DYRK1A: variants seen among roughly 807,000 people sequenced by gnomAD.
DYRK1A encodes the protein dual specificity tyrosine-phosphorylation-regulated kinase 1A.
A neutral mutation model predicts 79.7 loss-of-function variants in DYRK1A; 9 were observed. The ratio of observed to expected loss-of-function variants is 0.11; its 90% CI spans 0.07 to 0.20. The LOEUF is 0.20. Ranked by LOEUF, DYRK1A falls within the 10% of genes least tolerant of loss-of-function variation. The pLI, the probability that DYRK1A is intolerant of heterozygous loss-of-function variation, is 1.00. For synonymous variants in DYRK1A, 349 were observed against 329.7 expected (o/e 1.06, Z -0.63); for missense variants, 622 against 956.0 (o/e 0.65, Z 4.61).
In DYRK1A at chr21:37,454,085, C is replaced by CTTTTTTTTTTTTTTTTTTTTTTT. The variant is rs571859735; in HGVS notation, c.11-18596_11-18574dup. Among the ~76,000 whole-genome samples the CTTTTTTTTTTTTTTTTTTTTTTT allele has an allele frequency of 5.0e-5, 3 of 59,614 alleles. 1 individual carries two copies. Among genetic ancestry groups the CTTTTTTTTTTTTTTTTTTTTTTT allele is most frequent in the Admixed American group, 2.6e-4 (1 of 3,848 alleles). The allele number at this position is 59,614 out of a possible 152,430, so 39.1% of individuals were successfully genotyped here. ...CTTTCATATTATGAGATGTAGTCTC[C>CTTTTTTTTTTTTTTTTTTTTTTT]TTTTTTTTTTTTTTTTTTTTTTTTT... On this transcript the variant is annotated intron_variant, in intron 2 of 11. Transcript: ENST00000647188.
At chr21:37,426,382 C>T (rs1280061798) in intron 2 of DYRK1A, among the ~76,000 whole-genome samples, 1 of 151,918 alleles carries the variant, frequency 6.6e-6, no homozygotes, top group Non-Finnish European at 1.5e-5. Flanking sequence ...TTACTGCAGA[C>T]AATGAAAGCA....
chr21:37,390,651 C>T (rs971731946), intron 1 of DYRK1A, among the ~76,000 whole-genome samples: 6 of 152,312 alleles, frequency 3.9e-5, no homozygotes, highest in Admixed American at 2.6e-4. Context: ...TCATTGCAAC[C>T]TCCGCTTCCC....
At chr21:37,369,371 C>A (rs1276194812) in intron 1 of DYRK1A, among the ~76,000 whole-genome samples, 1 of 152,168 alleles carries the variant, frequency 6.6e-6, no homozygotes, top group African/African-American at 2.4e-5. Context: ...TGCAGAAGAT[C>A]ATTTCAAAGA....
At chr21:37,431,321 T>A (rs1273160775) in intron 2 of DYRK1A, among the ~76,000 whole-genome samples, 1 of 152,236 alleles carries the variant, frequency 6.6e-6, no homozygotes, top group Non-Finnish European at 1.5e-5. Flanking sequence ...TCCTTGGTTC[T>A]CTTTTTACCA....
intron 9 of DYRK1A, among the ~76,000 whole-genome samples, chr21:37,498,475 C>T (rs558008959): frequency 2.6e-5 from 4 of 152,282 alleles, no homozygotes; most frequent in African/African-American, 9.6e-5. Context: ...GGGTTTTCTT[C>T]ACTCAGCAAA....
At chr21:37,375,115 A>C (rs1026419377) in intron 1 of DYRK1A, 7 of 151,784 alleles carry the variant, frequency 4.6e-5, no homozygotes, top group African/African-American at 1.5e-4. Context: ...TTATCATCTT[A>C]AAGTAAGTAT....
In DYRK1A at chr21:37,518,558, C is replaced by G. The variant is rs908875988; in HGVS notation, c.*6027C>G. The G allele has an allele frequency of 6.6e-6, 1 of 151,034 alleles. No homozygotes were observed. The highest frequency in any genetic ancestry group is 2.1e-4 in the South Asian group (1 of 4,792). 9.4% of individuals were successfully genotyped at this position (151,034 alleles called of 1,614,324 possible). A position where few individuals can be genotyped will look rare whatever the true frequency, so the allele number is the denominator to read the frequency against. On this transcript the variant is annotated 3_prime_UTR_variant, in exon 12 of 12. Transcript: ENST00000647188. ...GGGCCATTCTGAACCTGCAGCCAGG[C>G]AGGACTCTGGCAAGAAGAGGCGTGT...
At chr21:37,421,202 C>T (rs1219270796) in intron 2 of DYRK1A, among the ~76,000 whole-genome samples, 1 of 152,034 alleles carries the variant, frequency 6.6e-6, no homozygotes, top group Non-Finnish European at 1.5e-5. Context: ...TATTTATAAA[C>T]TGTTTGAAAA....
intron 2 of DYRK1A, among the ~76,000 whole-genome samples, chr21:37,465,978 A>G (rs773822443): frequency 2.6e-5 from 4 of 152,246 alleles, no homozygotes; most frequent in Non-Finnish European, 5.9e-5. Flanking sequence ...CACCTCCGCA[A>G]GACAGTGCTG....
intron 1 of DYRK1A, among the ~76,000 whole-genome samples, chr21:37,376,243 C>T (rs941832305): frequency 6.6e-6 from 1 of 152,166 alleles, no homozygotes; most frequent in African/African-American, 2.4e-5. Flanking sequence ...GGCGCAGTGG[C>T]TCATGCCTGT....
At chr21:37,437,316 G>A (rs1344384628) in intron 2 of DYRK1A, among the ~76,000 whole-genome samples, 1 of 152,096 alleles carries the variant, frequency 6.6e-6, no homozygotes, top group Non-Finnish European at 1.5e-5. Context: ...ATGAAAATGT[G>A]GTATTGAGTA....
intron 9 of DYRK1A, among the ~76,000 whole-genome samples, chr21:37,500,022 G>A (rs911815583): frequency 1.3e-5 from 2 of 152,180 alleles, no homozygotes; most frequent in Non-Finnish European, 2.9e-5. Flanking sequence ...AGTATGTGTG[G>A]ATTTCAGCAT....
intron 11 of DYRK1A, among the ~76,000 whole-genome samples, chr21:37,509,771 A>C (rs1471370080): frequency 6.6e-6 from 1 of 152,156 alleles, no homozygotes; most frequent in Non-Finnish European, 1.5e-5. Flanking sequence ...AACCTTTTTT[A>C]CTATTTACAA....
rs1045673621 is a variant in DYRK1A, at chr21:37,430,498, A to C, written c.10+10114A>C. 3.7e-6 allele frequency: 3 copies of C among 804,870 alleles called. No homozygotes were observed. The African/African-American group carries it at 5.6e-5, about 15-fold the overall frequency. 49.9% of individuals were successfully genotyped at this position (804,870 alleles called of 1,614,324 possible). A position where few individuals can be genotyped will look rare whatever the true frequency, so the allele number is the denominator to read the frequency against. ...CACCTTTGTTCCATGCACCGCGCAAATACCTGGGAACCCTTGTTGCCCAAC... is the reference window on the plus strand; with the variant it reads ...CACCTTTGTTCCATGCACCGCGCAACTACCTGGGAACCCTTGTTGCCCAAC... On this transcript the variant is annotated intron_variant, in intron 2 of 11. Coordinates refer to ENST00000647188, the MANE Select transcript of DYRK1A (RefSeq NM_001347721.2).
intron 2 of DYRK1A, among the ~76,000 whole-genome samples, chr21:37,439,372 G>T (rs1161536955): frequency 6.6e-6 from 1 of 152,240 alleles, no homozygotes; most frequent in Admixed American, 6.5e-5. Flanking sequence ...AGTAGTGAAA[G>T]AGGACATTCT....
In DYRK1A at chr21:37,480,638, G is replaced by A; in HGVS notation, c.301G>A (p.Val101Ile). The A allele has an allele frequency of 6.3e-7, 1 of 1,584,808 alleles. No homozygotes were observed. Among genetic ancestry groups the A allele is most frequent in the Non-Finnish European group, 8.6e-7 (1 of 1,169,498 alleles). ...LIKTYKHINE[V>I]YYAKKKRRHQ... is the part of the protein sequence containing the mutation. ...TTAACACTATGTATTCTCATTTCAG[G>A]TTTACTATGCAAAAAAGAAGCGAAG... Residue 101 changes from valine (V) to isoleucine (I), a missense_variant and splice_region_variant, in exon 5 of 12, where the codon GTT (valine) becomes ATT (isoleucine). Transcript: ENST00000647188.
intron 6 of DYRK1A, 29 bp downstream of exon 6, chr21:37,486,643 G>A (rs2052879683): frequency 7.0e-7 from 1 of 1,430,138 alleles, no homozygotes; most frequent in African/African-American, 1.5e-5. Context: ...AGCGCAGTGT[G>A]CCCCAACCCA....
Position 37,517,436 on chromosome 21 carries a change from T to C in DYRK1A, c.*4905T>C, listed in dbSNP as rs1221609262. ...CTATTTGATAATCTTCCCGATTAAATTTCTAAAATTGCTACTTTGGGAATT... is the reference window on the plus strand; with the variant it reads ...CTATTTGATAATCTTCCCGATTAAACTTCTAAAATTGCTACTTTGGGAATT... On this transcript the variant is annotated 3_prime_UTR_variant, in exon 12 of 12. Coordinates refer to ENST00000647188, the MANE Select transcript of DYRK1A (RefSeq NM_001347721.2). The C allele has an allele frequency of 6.6e-6, 1 of 152,220 alleles. No individual in the cohort carries two copies. The highest frequency in any genetic ancestry group is 2.4e-5 in the African/African-American group (1 of 41,444). The allele number at this position is 152,220 out of a possible 1,614,324, so 9.4% of individuals were successfully genotyped here. A position where few individuals can be genotyped will look rare whatever the true frequency, so the allele number is the denominator to read the frequency against.
chr21:37,461,666 C>T (rs1191054293), intron 2 of DYRK1A, among the ~76,000 whole-genome samples: 1 of 152,054 alleles, frequency 6.6e-6, no homozygotes, highest in Non-Finnish European at 1.5e-5. Context: ...GGTTAAAGGT[C>T]TTTTTTATTT....
Sources: allele counts gnomAD v4.1 joint callset (sites outside exome capture counted in the v4.1 genomes callset), GRCh38; gene constraint gnomAD v4.1.1; transcripts MANE v1.5; gene names NCBI Gene and HGNC (gene_info 2026-07-23, HGNC 2026-07-21).